Variants in GNG12 observed in about 807,000 individuals in gnomAD.
GNG12 encodes G protein subunit gamma 12, also known as guanine nucleotide-binding protein G(I)/G(S)/G(O) subunit gamma-12.
For synonymous variants in GNG12, 28 were observed against 29.7 expected (o/e 0.94, Z 0.19); for missense variants, 69 against 83.8 (o/e 0.82, Z 0.69).
chr1:67,833,076 C>G (rs1176246840), intron 1 of GNG12, among the ~76,000 whole-genome samples: 1 of 151,594 alleles, frequency 6.6e-6, no homozygotes, highest in Non-Finnish European at 1.5e-5. Context: ...CGAGGGCGCG[C>G]GCGCCGTTTC....
At position 67,704,641 on chromosome 1, in the gene GNG12, C is replaced by T. The variant is rs1646234961; in HGVS notation, c.*810G>A. On this transcript the variant is annotated 3_prime_UTR_variant, in exon 4 of 4. Coordinates refer to ENST00000370982, the MANE Select transcript of GNG12 (RefSeq NM_018841.6). Reference sequence around the variant, plus strand: ...TGCCTGGAGTCCTCCCAAGGGTCTCCTCCCCTTTTCCAGACTCAGCATCAT... The same window carrying T: ...TGCCTGGAGTCCTCCCAAGGGTCTCTTCCCCTTTTCCAGACTCAGCATCAT... 2 of 152,624 alleles carry T rather than the reference C, an allele frequency of 1.3e-5. No homozygotes were observed. Among genetic ancestry groups the T allele is most frequent in the South Asian group, 4.1e-4 (2 of 4,830 alleles). 9.5% of individuals were successfully genotyped at this position (152,624 alleles called of 1,614,324 possible). A position where few individuals can be genotyped will look rare whatever the true frequency, so the allele number is the denominator to read the frequency against.
At chr1:67,797,928 C>T (rs867330922) in intron 1 of GNG12, among the ~76,000 whole-genome samples, 2 of 152,192 alleles carry the variant, frequency 1.3e-5, no homozygotes, top group Admixed American at 6.5e-5. Context: ...TGGATGACCA[C>T]GGTGGTCTTG....
rs1319509364 is a variant in GNG12, at chr1:67,703,901, A to G, written c.*1550T>C. 3 of 152,262 alleles carry G rather than the reference A, an allele frequency of 2.0e-5. No homozygotes were observed. The highest frequency in any genetic ancestry group is 1.5e-5 in the Non-Finnish European group (1 of 68,054). The allele number at this position is 152,262 out of a possible 1,614,324, so 9.4% of individuals were successfully genotyped here. A position where few individuals can be genotyped will look rare whatever the true frequency, so the allele number is the denominator to read the frequency against. On this transcript the variant is annotated 3_prime_UTR_variant, in exon 4 of 4. Coordinates refer to ENST00000370982, the MANE Select transcript of GNG12 (RefSeq NM_018841.6). ...ACAAAATTTGGGAAAATCGTTGTAAATAATTACTTCCTGGGGTTGATTCCT... is the reference window on the plus strand; with the variant it reads ...ACAAAATTTGGGAAAATCGTTGTAAGTAATTACTTCCTGGGGTTGATTCCT...
intron 2 of GNG12, among the ~76,000 whole-genome samples, chr1:67,752,855 G>A (rs538656926): frequency 5.4e-4 from 82 of 152,272 alleles, no homozygotes; most frequent in Admixed American, 4.8e-3. Flanking sequence ...GCCAGACACT[G>A]TTAGACACTA....
At chr1:67,761,698 C>T (rs757258861) in intron 2 of GNG12, among the ~76,000 whole-genome samples, 6 of 152,244 alleles carry the variant, frequency 3.9e-5, no homozygotes, top group South Asian at 2.1e-4. Context: ...AGGGTATATC[C>T]GAGATCGGCA....
At chr1:67,768,708 T>C (rs756152554) in intron 2 of GNG12, among the ~76,000 whole-genome samples, 7 of 152,224 alleles carry the variant, frequency 4.6e-5, no homozygotes, top group African/African-American at 1.7e-4. Flanking sequence ...AGGTTAACCG[T>C]AACCATGTTC....
intron 2 of GNG12, among the ~76,000 whole-genome samples, chr1:67,759,500 C>T (rs150568200): frequency 1.0e-3 from 152 of 152,316 alleles, no homozygotes; most frequent in African/African-American, 3.4e-3. Context: ...CTGCGAATAT[C>T]TGTTGGCTGT....
chr1:67,776,325 A>G lies in GNG12; in HGVS notation c.-27+1133T>C, dbSNP rs1020105993. Among the ~76,000 whole-genome samples the G allele has an allele frequency of 2.0e-5, 3 of 152,170 alleles. No homozygotes were observed. The South Asian group carries it at 6.2e-4, about 32-fold the overall frequency. ...CACCACAGCTGTTTCCATGTGCCCC[A>G]TAAACACTATAGCAGATTGCCAAAA... On this transcript the variant is annotated intron_variant, in intron 2 of 3. Coordinates refer to ENST00000370982, the MANE Select transcript of GNG12 (RefSeq NM_018841.6).
chr1:67,792,860 G>A (rs1030138607), intron 1 of GNG12, among the ~76,000 whole-genome samples: 1 of 152,168 alleles, frequency 6.6e-6, no homozygotes, highest in Non-Finnish European at 1.5e-5. Context: ...ATATATTTGG[G>A]TTTTCTGGCT....
intron 1 of GNG12, among the ~76,000 whole-genome samples, chr1:67,789,716 G>A (rs899446707): frequency 2.0e-5 from 3 of 152,222 alleles, no homozygotes; most frequent in African/African-American, 7.2e-5. Flanking sequence ...ACTGCCCTGA[G>A]CCTGGATCAG....
At chr1:67,824,674 C>T (rs1487242754) in intron 1 of GNG12, among the ~76,000 whole-genome samples, 1 of 151,928 alleles carries the variant, frequency 6.6e-6, no homozygotes, top group Non-Finnish European at 1.5e-5. Flanking sequence ...GCAATTTTCC[C>T]AGAAGTGTGA....
chr1:67,744,361 T>C lies in GNG12; in HGVS notation c.-27+33097A>G, dbSNP rs192730707. On this transcript the variant is annotated intron_variant, in intron 2 of 3. Coordinates refer to ENST00000370982, the MANE Select transcript of GNG12 (RefSeq NM_018841.6). ...ACAGCAGAGTTTTTGTACTGCCAACTGCTGTCCGCAACTCCAGAGCCTGAG... is the reference window on the plus strand; with the variant it reads ...ACAGCAGAGTTTTTGTACTGCCAACCGCTGTCCGCAACTCCAGAGCCTGAG... Among the ~76,000 whole-genome samples, 63 of 152,310 alleles carry C rather than the reference T, an allele frequency of 4.1e-4. No homozygotes were observed. The East Asian group carries it at 0.01, about 24-fold the overall frequency.
chr1:67,784,389 C>T lies in GNG12; in HGVS notation c.-76-6882G>A, dbSNP rs564962881. Among the ~76,000 whole-genome samples, 256 of 150,524 alleles carry T rather than the reference C, an allele frequency of 1.7e-3. 2 individuals are homozygous for T. Among genetic ancestry groups the T allele is most frequent in the African/African-American group, 2.7e-3 (111 of 40,972 alleles). ...CTAGATGACGAGTTAGTGGGTGCAG[C>T]GCACCAGCATGGCACATGTATACAT... On this transcript the variant is annotated intron_variant, in intron 1 of 3. Transcript: ENST00000370982.
At chr1:67,830,828 A>G (rs188079562) in intron 1 of GNG12, among the ~76,000 whole-genome samples, 10 of 152,292 alleles carry the variant, frequency 6.6e-5, no homozygotes, top group Non-Finnish European at 2.9e-5. Flanking sequence ...TCTATCTAGC[A>G]TTTCCGGAAG....
intron 2 of GNG12, among the ~76,000 whole-genome samples, chr1:67,710,092 A>ATATATATAGT (rs1557592205): frequency 2.8e-5 from 1 of 35,108 alleles, no homozygotes; most frequent in East Asian, 5.7e-4. Context: ...ATATATAGTT[A>ATATATATAGT]TATATATAGT....
chr1:67,826,965 A>G (rs188622304), intron 1 of GNG12, among the ~76,000 whole-genome samples: 17 of 152,364 alleles, frequency 1.1e-4, no homozygotes, highest in African/African-American at 3.8e-4. Context: ...GTGCCATCTG[A>G]AGCTAAATAA....
chr1:67,713,259 C>T (rs1250561126), intron 2 of GNG12, among the ~76,000 whole-genome samples: 1 of 152,194 alleles, frequency 6.6e-6, no homozygotes, highest in South Asian at 2.1e-4. Context: ...GACTGCCAGT[C>T]GGATAACACT....
At chr1:67,832,177 C>G (rs1285735951) in intron 1 of GNG12, 1 of 152,234 alleles carries the variant, frequency 6.6e-6, no homozygotes, top group Non-Finnish European at 1.5e-5. Flanking sequence ...TGAAGTTTGT[C>G]CAACTCCACA....
At chr1:67,734,372 G>GTTTT (rs1218395708) in intron 2 of GNG12, among the ~76,000 whole-genome samples, 2 of 152,186 alleles carry the variant, frequency 1.3e-5, no homozygotes, top group African/African-American at 4.8e-5. Flanking sequence ...AGTGGTAAAT[G>GTTTT]TTTTGACTCC....
Sources: allele counts gnomAD v4.1 joint callset (sites outside exome capture counted in the v4.1 genomes callset), GRCh38; gene constraint gnomAD v4.1.1; transcripts MANE v1.5; gene names NCBI Gene and HGNC (gene_info 2026-07-23, HGNC 2026-07-21).